Variants in SFXN5 observed in about 807,000 individuals in gnomAD.
The protein encoded by SFXN5 is sideroflexin-5.
SFXN5 carries 43 observed loss-of-function variants against 50.2 expected under a neutral mutation model. The ratio of observed to expected loss-of-function variants is 0.86; its 90% CI spans 0.67 to 1.11. SFXN5 has a LOEUF of 1.11. Ranked by LOEUF, SFXN5 falls within the 50% of genes least tolerant of loss-of-function variation. The probability of loss-of-function intolerance (pLI) is 0.00; values close to 1 mark genes in which losing one functional copy is unlikely to be tolerated. For missense variants in SFXN5, 463 were observed against 454.1 expected, an observed-to-expected ratio of 1.02 and a Z score of -0.18; for synonymous variants, 203 against 185.8, an observed-to-expected ratio of 1.09 and a Z score of -0.75.
chr2:72,978,946 TAATG>T (rs1240340989), intron 10 of SFXN5, among the ~76,000 whole-genome samples: 4 of 152,194 alleles, frequency 2.6e-5, no homozygotes, highest in African/African-American at 7.2e-5. Flanking sequence ...GACTGTATAA[TAATG>T]AGAGACTGAA....
At chr2:72,975,137 G>A (rs1043303931) in intron 10 of SFXN5, among the ~76,000 whole-genome samples, 1 of 152,236 alleles carries the variant, frequency 6.6e-6, no homozygotes, top group Non-Finnish European at 1.5e-5. Flanking sequence ...ATGATGGCAA[G>A]CTCAGTGTTA....
At chr2:73,040,998 G>A (rs1679558889) in intron 2 of SFXN5, 67 bp from the exon 3 acceptor site, 1 of 1,389,050 alleles carries the variant, frequency 7.2e-7, no homozygotes, top group Admixed American at 1.8e-5. Flanking sequence ...TTTCTTTTGT[G>A]GGATTACATC....
chr2:73,031,164 G>A (rs1273894670), intron 3 of SFXN5, among the ~76,000 whole-genome samples: 1 of 152,212 alleles, frequency 6.6e-6, no homozygotes, highest in Non-Finnish European at 1.5e-5. Context: ...GCAGGTGGCT[G>A]GCCTGCTACA....
intron 2 of SFXN5, among the ~76,000 whole-genome samples, chr2:73,052,992 A>G (rs1037056821): frequency 6.6e-6 from 1 of 152,228 alleles, no homozygotes; most frequent in Non-Finnish European, 1.5e-5. Context: ...AGCCTGGCCA[A>G]CATGGCAAAA....
rs968016816 is a variant in SFXN5, at chr2:73,069,610, C to T, written c.102+1994G>A. ...GCTTCAAAAGTGCATACAACAAACA[C>T]TTTTACTGCCTTCAAGAGCAGTGCC... is the stretch of plus-strand genomic sequence containing the variant. On this transcript the variant is annotated intron_variant, in intron 1 of 13. Coordinates refer to ENST00000272433, the MANE Select transcript of SFXN5 (RefSeq NM_144579.3). 2.6e-5 allele frequency among the ~76,000 whole-genome samples: 4 copies of T among 152,186 alleles called. No individual in the cohort carries two copies. In the South Asian group the frequency reaches 6.2e-4, roughly 24 times the overall value.
chr2:72,991,278 G>A (rs1431070512), intron 9 of SFXN5, among the ~76,000 whole-genome samples: 2 of 152,226 alleles, frequency 1.3e-5, no homozygotes, highest in African/African-American at 4.8e-5. Context: ...CCTCGTCCCA[G>A]GTTTCTTCTG....
intron 9 of SFXN5, among the ~76,000 whole-genome samples, chr2:72,990,528 C>T (rs1209104145): frequency 1.3e-5 from 2 of 152,072 alleles, no homozygotes; most frequent in African/African-American, 2.4e-5. Flanking sequence ...GAGGGGGGCT[C>T]GGGAGAACTC....
At position 72,992,309 on chromosome 2, in the gene SFXN5, T is replaced by C. The variant is rs748364595; in HGVS notation, c.535-3961A>G. 6.6e-6 allele frequency among the ~76,000 whole-genome samples: 1 copy of C among 152,152 alleles called. No individual in the cohort carries two copies. Among genetic ancestry groups the C allele is most frequent in the Non-Finnish European group, 1.5e-5 (1 of 68,014 alleles). ...ACACCAAATCTTTAGTGTCATGAGC[T>C]ACACAGCTGGTGGCTGTAGCCTTAA... On this transcript the variant is annotated intron_variant, in intron 9 of 13. Coordinates refer to ENST00000272433, the MANE Select transcript of SFXN5 (RefSeq NM_144579.3). The surrounding 1 kb of genome is among the most constrained non-coding windows in gnomAD (Gnocchi z 4.5).
intron 2 of SFXN5, chr2:73,042,494 T>C (rs1476854336): frequency 6.6e-6 from 1 of 151,918 alleles, no homozygotes; most frequent in African/African-American, 2.4e-5. Context: ...GCACCTGTAA[T>C]CCCAGCTACT....
chr2:72,983,519 G>A (rs1671562889), intron 10 of SFXN5, among the ~76,000 whole-genome samples: 1 of 152,286 alleles, frequency 6.6e-6, no homozygotes, highest in East Asian at 1.9e-4. Flanking sequence ...GGAGCTCAGG[G>A]CCTAGCTGGG....
At chr2:73,054,814 T>C (rs1352301988) in intron 2 of SFXN5, among the ~76,000 whole-genome samples, 3 of 152,240 alleles carry the variant, frequency 2.0e-5, no homozygotes, top group Non-Finnish European at 4.4e-5. Context: ...TCTGGAACTT[T>C]CTAGAATCAC....
At chr2:72,958,148 T>C (rs1673313984) in intron 13 of SFXN5, among the ~76,000 whole-genome samples, 1 of 152,148 alleles carries the variant, frequency 6.6e-6, no homozygotes, top group Non-Finnish European at 1.5e-5. Flanking sequence ...CCCCATTATA[T>C]GCCCCAGAGG....
At chr2:72,991,687 C>T (rs912050144) in intron 9 of SFXN5, among the ~76,000 whole-genome samples, 3 of 152,236 alleles carry the variant, frequency 2.0e-5, no homozygotes, top group African/African-American at 4.8e-5. Context: ...GCCCTTTGGC[C>T]TTGAACATTT....
At chr2:72,993,553 G>A (rs1296949698) in intron 9 of SFXN5, among the ~76,000 whole-genome samples, 1 of 152,158 alleles carries the variant, frequency 6.6e-6, no homozygotes, top group Non-Finnish European at 1.5e-5. Flanking sequence ...CATGGGAGGG[G>A]GCAACAACTT....
intron 8 of SFXN5, among the ~76,000 whole-genome samples, chr2:72,999,922 C>T (rs1574076543): frequency 6.6e-6 from 1 of 152,040 alleles, no homozygotes; most frequent in East Asian, 1.9e-4. Context: ...CCACCACAAG[C>T]TCTCCAAGGA....
rs564991521 is a variant in SFXN5, at chr2:73,040,192, A to C, written c.249+662T>G. Among the ~76,000 whole-genome samples the C allele has an allele frequency of 3.2e-3, 491 of 152,298 alleles. 5 individuals carry two copies. Among genetic ancestry groups the C allele is most frequent in the African/African-American group, 0.011 (468 of 41,556 alleles). On this transcript the variant is annotated intron_variant, in intron 3 of 13. Coordinates refer to ENST00000272433, the MANE Select transcript of SFXN5 (RefSeq NM_144579.3). Reference sequence around the variant, plus strand: ...AAATGTTTAAATTAATGTTTGAAAAAGTTTTTGAAATAAAGTTTATGAACA... The same window carrying C: ...AAATGTTTAAATTAATGTTTGAAAACGTTTTTGAAATAAAGTTTATGAACA...
intron 6 of SFXN5, among the ~76,000 whole-genome samples, chr2:73,005,079 G>A (rs1335347766): frequency 1.3e-5 from 2 of 152,120 alleles, no homozygotes; most frequent in Non-Finnish European, 1.5e-5. Flanking sequence ...AAACGATTCA[G>A]GCGTGGCCAC....
intron 9 of SFXN5, among the ~76,000 whole-genome samples, chr2:72,988,967 C>A (rs1025109831): frequency 8.5e-5 from 13 of 152,210 alleles, no homozygotes; most frequent in African/African-American, 2.9e-4. Context: ...GACACCCCAC[C>A]CCAGCCCCTG....
intron 7 of SFXN5, 130 bp downstream of exon 7, chr2:73,001,395 G>T: frequency 1.1e-6 from 1 of 879,786 alleles, no homozygotes; most frequent in East Asian, 2.5e-5. Context: ...TTCTGGGCTA[G>T]GGGTGGTGTT....
Sources: allele counts gnomAD v4.1 joint callset (sites outside exome capture counted in the v4.1 genomes callset), GRCh38; gene constraint gnomAD v4.1.1; non-coding constraint Gnocchi (gnomAD v3.1); transcripts MANE v1.5; gene names NCBI Gene and HGNC (gene_info 2026-07-23, HGNC 2026-07-21).